ERICH1: variants seen among roughly 807,000 people sequenced by gnomAD.
The protein encoded by ERICH1 is glutamate-rich protein 1.
ERICH1 carries 56 observed loss-of-function variants against 39.6 expected under a neutral mutation model. That is an observed-to-expected ratio of 1.41 (90% CI 1.14 to 1.77). ERICH1 has a LOEUF of 1.77. Among genes scored for constraint, ERICH1 ranks in the 40% most tolerant of loss-of-function variants. ERICH1 has a pLI of 0.00. For synonymous variants in ERICH1, 313 were observed against 223.6 expected (o/e 1.40, Z -3.57); for missense variants, 826 against 575.4 (o/e 1.44, Z -4.45).
intron 3 of ERICH1, among the ~76,000 whole-genome samples, chr8:635,591 G>C (rs1240914375): frequency 6.6e-6 from 1 of 152,216 alleles, no homozygotes; most frequent in Non-Finnish European, 1.5e-5. Context: ...CAGCCGGCCC[G>C]GCCCCGACCT....
intron 2 of ERICH1, among the ~76,000 whole-genome samples, chr8:698,719 C>T (rs1172977689): frequency 6.6e-6 from 1 of 152,126 alleles, no homozygotes; most frequent in Non-Finnish European, 1.5e-5. Context: ...CTCAAGCAAT[C>T]CTCCCTCCTT....
intron 2 of ERICH1, among the ~76,000 whole-genome samples, chr8:703,474 G>A (rs1812609647): frequency 6.6e-6 from 1 of 152,144 alleles, no homozygotes; most frequent in Non-Finnish European, 1.5e-5. Flanking sequence ...AGAAAAAGGG[G>A]GGCAGGCAGG....
intron 1 of ERICH1, among the ~76,000 whole-genome samples, chr8:724,211 AAAG>A (rs1818015917): frequency 6.6e-6 from 1 of 152,150 alleles, no homozygotes; most frequent in African/African-American, 2.4e-5. Context: ...ACCCTTCAAC[AAAG>A]AAGAAAGCCG....
intron 3 of ERICH1, chr8:627,152 G>A: frequency 4.4e-6 from 2 of 456,290 alleles, no homozygotes; most frequent in Non-Finnish European, 8.8e-6. Context: ...GACAGCAGCA[G>A]ACCCAGGTCT....
In ERICH1 at chr8:677,132, C is replaced by T. The variant is rs372365673; in HGVS notation, c.305-3085G>A. ...TGCAGAGGGTGAGCTCCGGGCTCTT[C>T]GCCAGCTGCGGACACCGCAAGCTGT... On this transcript the variant is annotated intron_variant, in intron 3 of 5. Coordinates refer to ENST00000262109, the MANE Select transcript of ERICH1 (RefSeq NM_207332.3). Among the ~76,000 whole-genome samples the T allele has an allele frequency of 4.6e-5, 7 of 152,358 alleles. No individual in the cohort carries two copies. The South Asian group carries it at 1.0e-3, about 23-fold the overall frequency.
At chr8:631,680 C>CTT (rs1322600402) in intron 3 of ERICH1, among the ~76,000 whole-genome samples, 1 of 152,120 alleles carries the variant, frequency 6.6e-6, no homozygotes, top group Non-Finnish European at 1.5e-5. Flanking sequence ...CACCAGAGCC[C>CTT]TTTTTCAGTG....
intron 3 of ERICH1, chr8:616,613 G>GT: frequency 2.2e-6 from 1 of 455,382 alleles, no homozygotes; most frequent in South Asian, 1.6e-5. Context: ...ATAAGAGTGA[G>GT]TGGGGAGAGG....
At chr8:698,898 AG>A (rs1394979948) in intron 2 of ERICH1, among the ~76,000 whole-genome samples, 1 of 79,010 alleles carries the variant, frequency 1.3e-5, no homozygotes, top group African/African-American at 5.0e-5. Context: ...TGTCTCTGTG[AG>A]TTTTTTTTTT....
intron 1 of ERICH1, among the ~76,000 whole-genome samples, chr8:724,403 G>C (rs771770447): frequency 2.6e-5 from 4 of 152,148 alleles, no homozygotes; most frequent in Non-Finnish European, 4.4e-5. Flanking sequence ...GTCGTATCAC[G>C]AAGCGTTCAC....
intron 3 of ERICH1, among the ~76,000 whole-genome samples, chr8:657,862 G>A (rs1800864585): frequency 6.6e-6 from 1 of 152,136 alleles, no homozygotes; most frequent in Non-Finnish European, 1.5e-5. Flanking sequence ...GTAGTGAAAG[G>A]GCCATGAACA....
chr8:689,390 C>T (rs947299642), intron 3 of ERICH1, among the ~76,000 whole-genome samples: 9 of 152,346 alleles, frequency 5.9e-5, no homozygotes, highest in Non-Finnish European at 1.2e-4. Flanking sequence ...GAATTACAGG[C>T]GTGAGCCACT....
chr8:673,944 T>C lies in ERICH1; in HGVS notation c.408A>G (p.Leu136=), dbSNP rs1257142295. The C allele has an allele frequency of 1.9e-6, 3 of 1,611,564 alleles. No homozygotes were observed. The highest frequency in any genetic ancestry group is 4.5e-5 in the East Asian group (2 of 44,892). ...CCTGTAACAGACTCTGCTGTTTCTC[T>C]AATTCTGCTTGTTCTATAAGAACAT... is the stretch of plus-strand genomic sequence containing the variant. ...PNNVLIEQAE[L]EKQQSLLQEK... Residue 136 remains leucine (L), a synonymous_variant, in exon 4 of 6, where the codon TTA becomes TTG. Transcript: ENST00000262109.
intron 3 of ERICH1, among the ~76,000 whole-genome samples, chr8:650,819 C>T (rs968979137): frequency 4.6e-5 from 7 of 152,236 alleles, no homozygotes; most frequent in Non-Finnish European, 1.0e-4. Context: ...GGGGCTGCAG[C>T]CACCGCAGGA....
At chr8:686,102 G>A (rs922497220) in intron 3 of ERICH1, among the ~76,000 whole-genome samples, 9 of 152,112 alleles carry the variant, frequency 5.9e-5, no homozygotes, top group African/African-American at 1.9e-4. Flanking sequence ...AGAGGGTGCA[G>A]TGAGATTGCG....
intron 2 of ERICH1, among the ~76,000 whole-genome samples, chr8:700,470 ACCCGCACAGGCGCACAGG>A (rs1811803070): frequency 3.4e-4 from 6 of 17,542 alleles, no homozygotes; most frequent in East Asian, 9.0e-4. Flanking sequence ...AGGCGCACAG[ACCCGCACAGGCGCACAGG>A]CCCGCACACG....
At chr8:710,132 G>A (rs769539850) in intron 2 of ERICH1, among the ~76,000 whole-genome samples, 1 of 152,114 alleles carries the variant, frequency 6.6e-6, no homozygotes, top group Admixed American at 6.6e-5. Flanking sequence ...GACACACGTT[G>A]CCACCCCGGT....
chr8:715,740 G>A, intron 2 of ERICH1, 121 bp downstream of exon 2: 15 of 1,343,736 alleles, frequency 1.1e-5, no homozygotes, highest in Non-Finnish European at 1.5e-5. Context: ...CCTGCTGCAG[G>A]CCCTCTGCAG....
chr8:635,985 C>G (rs1251545191), intron 3 of ERICH1, among the ~76,000 whole-genome samples: 1 of 152,234 alleles, frequency 6.6e-6, no homozygotes. Flanking sequence ...GCCTCCGCCT[C>G]GGCAGAAACA....
chr8:634,740 C>T (rs1798292156), intron 3 of ERICH1, among the ~76,000 whole-genome samples: 1 of 152,192 alleles, frequency 6.6e-6, no homozygotes, highest in Non-Finnish European at 1.5e-5. Context: ...CACTGAGTCC[C>T]ACGCGGGATG....
Sources: gnomAD v4.1 joint callset for allele counts (sites outside exome capture counted in the v4.1 genomes callset) on GRCh38, gnomAD v4.1.1 for gene constraint, MANE v1.5 for transcripts, NCBI Gene and HGNC (gene_info 2026-07-23, HGNC 2026-07-21) for gene names.